The following NOMO2 variants were observed in gnomAD, a reference collection of about 807,000 sequenced individuals.
NOMO2 encodes the protein BOS complex subunit NOMO2.
NOMO2 carries 14 observed loss-of-function variants against 67.1 expected under a neutral mutation model. The ratio of observed to expected loss-of-function variants is 0.21; its 90% CI spans 0.14 to 0.33. The LOEUF (loss-of-function observed/expected upper bound fraction) is 0.33. Among genes scored for constraint, NOMO2 ranks in the 10% least tolerant of loss-of-function variants. The probability of loss-of-function intolerance (pLI) is 1.00; values close to 1 mark genes in which losing one functional copy is unlikely to be tolerated. For synonymous variants in NOMO2, 80 were observed against 305.9 expected (o/e 0.26, Z 7.71); for missense variants, 178 against 761.0 (o/e 0.23, Z 9.01).
chr16:18,538,923 G>A lies in NOMO2; in HGVS notation c.1005C>T (p.Val335=), dbSNP rs1901484841. 6.4e-7 allele frequency: 1 copy of A among 1,560,266 alleles called. No individual in the cohort carries two copies. Among genetic ancestry groups the A allele is most frequent in the Admixed American group, 1.7e-5 (1 of 59,142 alleles). The part of the protein sequence containing the change: ...HVMGFSVTGR[V]LNGPEGDGVP... ...CACCATCTCCTTCGGGTCCGTTCAA[G>A]ACCCTCCCGGTGACGGAGAATCCCA... The change falls in exon 10 of 31, where the codon GTC becomes GTT. Residue 335 remains valine (V), a synonymous_variant. Transcript: ENST00000622306.
At chr16:18,528,834 G>A (rs1194898549) in intron 15 of NOMO2, among the ~76,000 whole-genome samples, 7 of 150,056 alleles carry the variant, frequency 4.7e-5, no homozygotes, top group East Asian at 3.9e-4. Flanking sequence ...TGAGCATGGC[G>A]GCACGCACCT....
chr16:18,553,909 G>C (rs1336386525), intron 3 of NOMO2, among the ~76,000 whole-genome samples: 32 of 143,788 alleles, frequency 2.2e-4, no homozygotes, highest in Non-Finnish European at 4.6e-4. Context: ...GCGATGGCAG[G>C]TGCTAAATTC....
At chr16:18,529,447 A>G (rs1206956542) in intron 15 of NOMO2, 54 bp downstream of exon 15, 1 of 1,611,526 alleles carries the variant, frequency 6.2e-7, no homozygotes, top group Admixed American at 1.7e-5. Context: ...GTCTTTCTTG[A>G]CATCCACAAG....
rs769465978 is a variant in NOMO2, at chr16:18,533,002, C to T, written c.1395+3G>A. ...ATTTTAAATTTAAAACAATGCATCG[C>T]ACCTGCACTTTGTAAGTCCCTGGTT... is the stretch of plus-strand genomic sequence containing the variant. On this transcript the variant is annotated splice_donor_region_variant and intron_variant, in intron 12 of 30. Transcript: ENST00000622306. 9 of 1,600,528 alleles carry T rather than the reference C, an allele frequency of 5.6e-6. No homozygotes were observed. The highest frequency in any genetic ancestry group is 6.0e-6 in the Non-Finnish European group (7 of 1,174,228).
intron 1 of NOMO2, among the ~76,000 whole-genome samples, chr16:18,560,227 G>A (rs976452400): frequency 6.6e-6 from 1 of 151,942 alleles, no homozygotes; most frequent in African/African-American, 2.4e-5. Flanking sequence ...TTCAGAATCT[G>A]AATTACTTAC....
At chr16:18,528,986 A>ATATAT (rs1901221658) in intron 15 of NOMO2, among the ~76,000 whole-genome samples, 1 of 89,840 alleles carries the variant, frequency 1.1e-5, no homozygotes, top group African/African-American at 4.0e-5. Context: ...AAAAAAAAAA[A>ATATAT]AAATACATAT....
chr16:18,543,300 T>C (rs1201624866), intron 7 of NOMO2, among the ~76,000 whole-genome samples: 1 of 144,504 alleles, frequency 6.9e-6, no homozygotes, highest in African/African-American at 2.5e-5. Context: ...TGCCTCAGCC[T>C]CCCACGCAGC....
intron 2 of NOMO2, among the ~76,000 whole-genome samples, chr16:18,556,546 G>GA (rs1234259899): frequency 1.3e-5 from 2 of 151,176 alleles, no homozygotes; most frequent in Non-Finnish European, 2.9e-5. Context: ...TAACACAGGG[G>GA]AAAAAATGAA....
Position 18,557,742 on chromosome 16 carries a change from G to A in NOMO2, c.215C>T (p.Ala72Val), listed in dbSNP as rs1448038641. 1 of 1,609,734 alleles carries A rather than the reference G, an allele frequency of 6.2e-7. No homozygotes were observed. Among genetic ancestry groups the A allele is most frequent in the South Asian group, 1.1e-5 (1 of 90,914 alleles). ...GATCATAAAGTAACCATTATTAGGG[G>A]CACAGTCTGTCTGGTATTTCAAAGT... ...HGTLKYQTDC[A>V]PNNGYFMIPL... Residue 72 changes from alanine (A) to valine (V), a missense_variant, in exon 2 of 31, where the codon GCC becomes GTC. Physicochemically the swap from Ala to Val is moderately conservative, Grantham distance 64. Transcript: ENST00000622306.
At chr16:18,554,055 A>G (rs368855369) in intron 3 of NOMO2, among the ~76,000 whole-genome samples, 6,937 of 151,276 alleles carry the variant, frequency 0.046, 210 homozygotes, top group Non-Finnish European at 0.07. Context: ...AATGTAAACT[A>G]CATCAAAACA....
At position 18,559,507 on chromosome 16, in the gene NOMO2, T is replaced by C. The variant is rs573551701; in HGVS notation, c.166-1716A>G. 9.1e-4 allele frequency among the ~76,000 whole-genome samples: 139 copies of C among 152,078 alleles called. 3 individuals carry two copies. The Middle Eastern group carries it at 0.01, about 11-fold the overall frequency. On this transcript the variant is annotated intron_variant, in intron 1 of 30. Transcript: ENST00000622306. Reference sequence around the variant, plus strand: ...ACTCATAAAACGAACATTTGAACATTTGGGAAAGGACTCGTGTGAAATAAG... The same window carrying C: ...ACTCATAAAACGAACATTTGAACATCTGGGAAAGGACTCGTGTGAAATAAG...
At chr16:18,541,599 T>G (rs1165971613) in intron 9 of NOMO2, among the ~76,000 whole-genome samples, 10 of 145,464 alleles carry the variant, frequency 6.9e-5, no homozygotes, top group Non-Finnish European at 4.6e-5. Flanking sequence ...CCCAACACTT[T>G]GGGAAGCCGA....
chr16:18,557,290 T>C (rs1333949690), intron 2 of NOMO2, among the ~76,000 whole-genome samples: 1 of 151,682 alleles, frequency 6.6e-6, no homozygotes, highest in African/African-American at 2.4e-5. Context: ...ATGTATTACT[T>C]GTACAATTGT....
At chr16:18,556,954 C>T (rs1259949062) in intron 2 of NOMO2, among the ~76,000 whole-genome samples, 1 of 151,884 alleles carries the variant, frequency 6.6e-6, no homozygotes, top group African/African-American at 2.4e-5. Context: ...GGCAAAACCC[C>T]GTCACTATTA....
intron 1 of NOMO2, among the ~76,000 whole-genome samples, chr16:18,561,115 T>C (rs1875911830): frequency 7.2e-6 from 1 of 139,542 alleles, no homozygotes; most frequent in Non-Finnish European, 1.5e-5. Flanking sequence ...TACGGGAACC[T>C]TTCTGGGTCA....
chr16:18,536,872 C>T (rs544166441), intron 11 of NOMO2, among the ~76,000 whole-genome samples: 1 of 152,158 alleles, frequency 6.6e-6, no homozygotes, highest in South Asian at 2.1e-4. Flanking sequence ...GACTCCTTGA[C>T]CTCGACCTCC....
intron 12 of NOMO2, 69 bp downstream of exon 12, chr16:18,532,936 A>T: frequency 6.8e-7 from 1 of 1,478,252 alleles, no homozygotes; most frequent in Non-Finnish European, 9.1e-7. Context: ...ACCCCATTCG[A>T]CCTAATAACC....
chr16:18,553,453 G>T (rs1283644790), intron 3 of NOMO2, among the ~76,000 whole-genome samples: 1 of 151,258 alleles, frequency 6.6e-6, no homozygotes, highest in Non-Finnish European at 1.5e-5. Context: ...TTTGTATAAA[G>T]TTCAAAACAG....
intron 6 of NOMO2, among the ~76,000 whole-genome samples, chr16:18,544,951 A>G (rs546485466): frequency 8.0e-3 from 1,205 of 150,002 alleles, no homozygotes; most frequent in African/African-American, 0.028. Context: ...GATAAACATT[A>G]TCCTGACTTC....
Sources: allele counts gnomAD v4.1 joint callset (sites outside exome capture counted in the v4.1 genomes callset), GRCh38; gene constraint gnomAD v4.1.1; transcripts MANE v1.5; gene names NCBI Gene and HGNC (gene_info 2026-07-23, HGNC 2026-07-21).